Variants in INPP4B observed in about 807,000 individuals in gnomAD.
INPP4B encodes inositol polyphosphate 4-phosphatase type II.
Under a neutral mutation model 122.5 loss-of-function variants are expected in INPP4B, and 55 were observed. The observed-to-expected ratio is 0.45, with a 90% confidence interval of 0.36 to 0.56. INPP4B has a LOEUF of 0.56. Among genes scored for constraint, INPP4B ranks in the 20% least tolerant of loss-of-function variants. The pLI, the probability that INPP4B is intolerant of heterozygous loss-of-function variation, is 0.00. For missense variants in INPP4B, 1,000 were observed against 1,097.7 expected, an observed-to-expected ratio of 0.91 and a Z score of 1.26; for synonymous variants, 403 against 388.7, an observed-to-expected ratio of 1.04 and a Z score of -0.43.
chr4:142,239,960 C>T (rs929777204), intron 11 of INPP4B, among the ~76,000 whole-genome samples: 8 of 151,686 alleles, frequency 5.3e-5, no homozygotes, highest in Admixed American at 2.0e-4. Context: ...GCCTTTTATA[C>T]ATCAATAATA....
At chr4:142,464,905 G>A (rs1817475599) in intron 2 of INPP4B, among the ~76,000 whole-genome samples, 1 of 152,158 alleles carries the variant, frequency 6.6e-6, no homozygotes. Flanking sequence ...CTGTTGTACA[G>A]AGTAGATGGC....
chr4:142,405,184 A>G, intron 6 of INPP4B, 22 bp downstream of exon 6: 1 of 1,326,968 alleles, frequency 7.5e-7, no homozygotes, highest in Non-Finnish European at 1.1e-6. Flanking sequence ...AGAGAGATTA[A>G]TGTAGGCACA....
chr4:142,319,839 C>T (rs1769317165), intron 7 of INPP4B, among the ~76,000 whole-genome samples: 1 of 152,166 alleles, frequency 6.6e-6, no homozygotes, highest in South Asian at 2.1e-4. Flanking sequence ...TGGTGTGTAA[C>T]AAATTACCAC....
chr4:142,270,825 C>G (rs747203149), intron 9 of INPP4B, 51 bp from the exon 10 acceptor site: 1 of 1,136,814 alleles, frequency 8.8e-7, no homozygotes, highest in South Asian at 1.2e-5. Context: ...CTCTCTCCCC[C>G]AAAAATATCC....
In INPP4B at chr4:142,028,903, C is replaced by A; in HGVS notation, c.2654G>T (p.Arg885Leu). The change falls in exon 26 of 26, where the codon CGC (arginine) becomes CTC (leucine). Residue 885 changes from arginine to leucine, a missense_variant. Arg to Leu is a moderately radical substitution (Grantham distance 102). Coordinates refer to ENST00000262992, the MANE Select transcript of INPP4B (RefSeq NM_001101669.3). The part of the protein sequence containing the change: ...ALDCMRREGC[R>L]IENVLKNIKC... ...GATATTCTTCAGTACATTCTCTATGCGGCATCCTTCTCTGGTGAAAGGGGA... is the reference window on the plus strand; with the variant it reads ...GATATTCTTCAGTACATTCTCTATGAGGCATCCTTCTCTGGTGAAAGGGGA... 6.2e-7 allele frequency: 1 copy of A among 1,610,412 alleles called. No homozygotes were observed. The highest frequency in any genetic ancestry group is 8.5e-7 in the Non-Finnish European group (1 of 1,178,686).
intron 2 of INPP4B, among the ~76,000 whole-genome samples, chr4:142,700,484 G>C (rs1580732433): frequency 6.6e-6 from 1 of 152,204 alleles, no homozygotes; most frequent in South Asian, 2.1e-4. Flanking sequence ...GATTCCTATA[G>C]AATTGTACTT....
chr4:142,367,400 T>A (rs1405386113), intron 7 of INPP4B, among the ~76,000 whole-genome samples: 2 of 152,094 alleles, frequency 1.3e-5, no homozygotes, highest in African/African-American at 4.8e-5. Flanking sequence ...TGTTAGATGA[T>A]GTACAGTAGT....
At chr4:142,524,207 G>C (rs1826511049) in intron 2 of INPP4B, among the ~76,000 whole-genome samples, 1 of 152,082 alleles carries the variant, frequency 6.6e-6, no homozygotes, top group Non-Finnish European at 1.5e-5. Flanking sequence ...GGTATTTCTA[G>C]TTCTAGATCC....
At chr4:142,177,709 C>T (rs946123950) in intron 15 of INPP4B, among the ~76,000 whole-genome samples, 1 of 151,908 alleles carries the variant, frequency 6.6e-6, no homozygotes, top group African/African-American at 2.4e-5. Context: ...ACCTACATCC[C>T]CATCCTCACG....
chr4:142,199,167 AT>A (rs1403440417), intron 14 of INPP4B, among the ~76,000 whole-genome samples: 2 of 152,106 alleles, frequency 1.3e-5, no homozygotes, highest in Non-Finnish European at 2.9e-5. Flanking sequence ...AACGGAAATC[AT>A]TGTAATGTTG....
intron 7 of INPP4B, chr4:142,317,487 A>G (rs763431116): frequency 7.1e-6 from 2 of 280,004 alleles, no homozygotes; most frequent in Admixed American, 4.0e-5. Context: ...GAGTATTCCA[A>G]CGCGCATTAT....
intron 2 of INPP4B, among the ~76,000 whole-genome samples, chr4:142,497,640 T>C (rs1279175706): frequency 6.6e-6 from 1 of 152,220 alleles, no homozygotes; most frequent in Non-Finnish European, 1.5e-5. Context: ...TAAACATAAG[T>C]AAAACTATGT....
At chr4:142,775,762 A>ATATATTTTATATATTT in intron 1 of INPP4B, among the ~76,000 whole-genome samples, 1 of 152,120 alleles carries the variant, frequency 6.6e-6, no homozygotes, top group Admixed American at 6.6e-5. Context: ...TATATATTTT[A>ATATATTTTATATATTT]GATAGAAGTC....
chr4:142,346,438 A>C (rs948153367), intron 7 of INPP4B, among the ~76,000 whole-genome samples: 1 of 152,198 alleles, frequency 6.6e-6, no homozygotes, highest in African/African-American at 2.4e-5. Context: ...AAGAAATAAG[A>C]GAAATGAAAT....
intron 7 of INPP4B, among the ~76,000 whole-genome samples, chr4:142,383,149 G>A (rs925290553): frequency 6.6e-6 from 1 of 151,924 alleles, no homozygotes; most frequent in Non-Finnish European, 1.5e-5. Flanking sequence ...TACTTGGTCC[G>A]AGTATAATTT....
In INPP4B at chr4:142,463,731, C is replaced by T. The variant is rs536217857; in HGVS notation, c.-190-1005G>A. Among the ~76,000 whole-genome samples, 4 of 152,194 alleles carry T rather than the reference C, an allele frequency of 2.6e-5. 1 individual carries two copies. In the South Asian group the frequency reaches 8.3e-4, roughly 32 times the overall value. ...GTTCTGGTGATAGTGAGTGAGTTCT[C>T]ACAAGATCTTATGGTTTTATAAGAT... is the stretch of plus-strand genomic sequence containing the variant. On this transcript the variant is annotated intron_variant, in intron 2 of 25. Coordinates refer to ENST00000262992, the MANE Select transcript of INPP4B (RefSeq NM_001101669.3).
intron 1 of INPP4B, among the ~76,000 whole-genome samples, chr4:142,803,331 A>G (rs1249337393): frequency 1.3e-5 from 2 of 152,192 alleles, no homozygotes; most frequent in East Asian, 3.9e-4. Flanking sequence ...TATTCATTTA[A>G]TAATCAGGCA....
intron 11 of INPP4B, among the ~76,000 whole-genome samples, chr4:142,255,532 A>AG (rs1377792235): frequency 6.6e-6 from 1 of 152,170 alleles, no homozygotes; most frequent in Non-Finnish European, 1.5e-5. Flanking sequence ...AATGGAAAAC[A>AG]AAAAAGGCAG....
chr4:142,745,371 C>T (rs1768555523), intron 1 of INPP4B, among the ~76,000 whole-genome samples: 1 of 151,760 alleles, frequency 6.6e-6, no homozygotes, highest in Non-Finnish European at 1.5e-5. Flanking sequence ...TAGACTAAGA[C>T]TAAACAAGGG....
Sources: gnomAD v4.1 joint callset for allele counts (sites outside exome capture counted in the v4.1 genomes callset) on GRCh38, gnomAD v4.1.1 for gene constraint, MANE v1.5 for transcripts, NCBI Gene and HGNC (gene_info 2026-07-23, HGNC 2026-07-21) for gene names.